Variants in PLCB4 observed in about 807,000 individuals in gnomAD.
PLCB4 encodes the protein 1-phosphatidylinositol 4,5-bisphosphate phosphodiesterase beta-4.
In PLCB4, 77 loss-of-function variants were observed where a neutral mutation model predicts 178.8. That is an observed-to-expected ratio of 0.43 (90% confidence interval 0.36 to 0.52). The LOEUF (loss-of-function observed/expected upper bound fraction) is 0.52. Among genes scored for constraint, PLCB4 ranks in the 20% least tolerant of loss-of-function variants. The probability of loss-of-function intolerance (pLI) is 0.00; values close to 1 mark genes in which losing one functional copy is unlikely to be tolerated. For missense variants in PLCB4, 1,024 were observed against 1,453.4 expected (o/e 0.70, Z 4.80); for synonymous variants, 496 against 490.8 (o/e 1.01, Z -0.14).
Position 9,081,093 on chromosome 20 carries a change from A to G in PLCB4, c.-135+11887A>G, listed in dbSNP as rs569268041. Among the ~76,000 whole-genome samples the G allele has an allele frequency of 5.3e-5, 8 of 152,212 alleles. No homozygotes were observed. The East Asian group carries it at 5.8e-4, about 11-fold the overall frequency. On this transcript the variant is annotated intron_variant, in intron 1 of 39. Transcript: ENST00000378473. Reference sequence around the variant, plus strand: ...ATCTGTGCCTCCATTCATGTCTTCTATTGGCTATTCAGTGAGCATCAGGTA... The same window carrying G: ...ATCTGTGCCTCCATTCATGTCTTCTGTTGGCTATTCAGTGAGCATCAGGTA...
chr20:9,191,132 A>G (rs1321580), intron 2 of PLCB4, among the ~76,000 whole-genome samples: 2 of 152,186 alleles, frequency 1.3e-5, no homozygotes, highest in Non-Finnish European at 2.9e-5. Flanking sequence ...AGGATAGAAC[A>G]CAAACATGAA....
rs1568885233 is a variant in PLCB4, at chr20:9,459,637, CAA to C, written c.3077_3078del (p.Lys1026ArgfsTer20). 6.3e-7 allele frequency: 1 copy of C among 1,596,266 alleles called. No homozygotes were observed. Among genetic ancestry groups the C allele is most frequent in the Admixed American group, 1.7e-5 (1 of 59,668 alleles). The part of the protein sequence containing the change: ...TLTSDHKSKV[K>X]EIVAQHTKEW... ...ACCGTCCCCTTTTTCCCAAACAGGTCAAAGAGATTGTAGCACAGCACACAAAG... is the reference window on the plus strand; with the variant it reads ...ACCGTCCCCTTTTTCCCAAACAGGTCAGAGATTGTAGCACAGCACACAAAG... On this transcript the variant is annotated frameshift_variant, in exon 35 of 40. Coordinates refer to ENST00000378473, the MANE Select transcript of PLCB4 (RefSeq NM_001377142.1). LOFTEE classifies it high-confidence loss of function.
At chr20:9,343,295 T>C (rs2033440529) in intron 7 of PLCB4, among the ~76,000 whole-genome samples, 1 of 152,198 alleles carries the variant, frequency 6.6e-6, no homozygotes, top group South Asian at 2.1e-4. Context: ...AAGGGTAAAC[T>C]TTGAACTTAG....
intron 2 of PLCB4, among the ~76,000 whole-genome samples, chr20:9,148,152 A>C (rs543163366): frequency 6.6e-6 from 1 of 152,244 alleles, no homozygotes; most frequent in Admixed American, 6.5e-5. Context: ...TCGTGTTGGC[A>C]GTCGTGAAGG....
chr20:9,407,889 T>G, intron 21 of PLCB4, 28 bp from the exon 22 acceptor site: 1 of 1,598,898 alleles, frequency 6.3e-7, no homozygotes, highest in Non-Finnish European at 8.5e-7. Context: ...AGTCATCAAC[T>G]TATATGTTTT....
intron 27 of PLCB4, among the ~76,000 whole-genome samples, chr20:9,422,015 C>G (rs186673628): frequency 6.6e-6 from 1 of 152,284 alleles, no homozygotes; most frequent in African/African-American, 2.4e-5. Flanking sequence ...TTCTCTCTAA[C>G]GTTCGGTTGT....
chr20:9,349,311 A>G (rs1381904654), intron 7 of PLCB4, among the ~76,000 whole-genome samples: 2 of 152,086 alleles, frequency 1.3e-5, no homozygotes, highest in African/African-American at 4.8e-5. Context: ...CTCTCCCCAC[A>G]GCGCTGATAA....
At chr20:9,142,384 G>A (rs568253929) in intron 2 of PLCB4, among the ~76,000 whole-genome samples, 3 of 152,250 alleles carry the variant, frequency 2.0e-5, no homozygotes, top group African/African-American at 7.2e-5. Context: ...CGCCAAGGTT[G>A]TGTGGACCAG....
intron 1 of PLCB4, among the ~76,000 whole-genome samples, chr20:9,077,099 G>A (rs536183155): frequency 1.9e-4 from 29 of 152,130 alleles, no homozygotes; most frequent in African/African-American, 6.7e-4. Flanking sequence ...ACTTGCTTTT[G>A]TCCACTTAAC....
chr20:9,179,379 C>T (rs1424648600), intron 2 of PLCB4, among the ~76,000 whole-genome samples: 1 of 151,950 alleles, frequency 6.6e-6, no homozygotes, highest in East Asian at 1.9e-4. Flanking sequence ...TGGCTCATGG[C>T]CCCATTACTT....
chr20:9,476,735 G>A lies in PLCB4; in HGVS notation c.3514G>A (p.Ala1172Thr). Residue 1172 changes from alanine (A) to threonine (T), a missense_variant, in exon 39 of 40, where the codon GCA becomes ACA. By Grantham distance (58) the Ala-to-Thr change is moderately conservative. Around this residue, in one of 7 missense-constraint regions of PLCB4, gnomAD observed 264 missense variants for 283.2 expected, o/e 0.93. Transcript: ENST00000378473. ...CAAACAGCTTTTGAAATCCTGTCAT[G>A]CAGTGTCCCAAACGCAAGGTAGGAC... ...QNEQLLKSCH[A>T]VSQTQGEGDA... 1 of 1,609,904 alleles carries A rather than the reference G, an allele frequency of 6.2e-7. No individual in the cohort carries two copies. The highest frequency in any genetic ancestry group is 8.5e-7 in the Non-Finnish European group (1 of 1,176,374).
At chr20:9,397,207 C>T (rs569275366) in intron 19 of PLCB4, among the ~76,000 whole-genome samples, 6 of 152,222 alleles carry the variant, frequency 3.9e-5, no homozygotes, top group Non-Finnish European at 8.8e-5. Flanking sequence ...TAGATTCCAT[C>T]TCAAGAAACC....
In PLCB4 at chr20:9,426,915, T is replaced by A. The variant is rs1010447603; in HGVS notation, c.2524+2963T>A. 1.6e-4 allele frequency among the ~76,000 whole-genome samples: 24 copies of A among 152,100 alleles called. 1 individual carries two copies. The highest frequency in any genetic ancestry group is 4.6e-4 in the African/African-American group (19 of 41,428). The stretch of plus-strand genomic sequence containing the variant: ...CAACTCCTTCTGCTTCTCCTTCTCA[T>A]TTCTATAGCATAAAAACTCTCAAAA... On this transcript the variant is annotated intron_variant, in intron 28 of 39. Transcript: ENST00000378473.
intron 1 of PLCB4, among the ~76,000 whole-genome samples, chr20:9,071,868 G>C (rs924128842): frequency 1.3e-5 from 2 of 152,128 alleles, no homozygotes; most frequent in African/African-American, 2.4e-5. Context: ...TAAAGTAAGG[G>C]TGAAACAGCA....
chr20:9,473,914 T>C (rs2044361325), intron 38 of PLCB4, among the ~76,000 whole-genome samples: 1 of 152,000 alleles, frequency 6.6e-6, no homozygotes, highest in Non-Finnish European at 1.5e-5. Flanking sequence ...TAAAGAAATA[T>C]ACACAAATAA....
chr20:9,212,758 T>C (rs1437303738), intron 2 of PLCB4, among the ~76,000 whole-genome samples: 4 of 152,184 alleles, frequency 2.6e-5, no homozygotes, highest in African/African-American at 7.2e-5. Flanking sequence ...ACTTACTGTG[T>C]TTTCTTGAAG....
intron 35 of PLCB4, among the ~76,000 whole-genome samples, chr20:9,468,236 G>A (rs1354427244): frequency 6.6e-6 from 1 of 151,990 alleles, no homozygotes; most frequent in Non-Finnish European, 1.5e-5. Flanking sequence ...ATAGCTTGGG[G>A]TCCCGTCCCT....
intron 3 of PLCB4, among the ~76,000 whole-genome samples, chr20:9,266,563 C>A (rs2094351196): frequency 6.6e-6 from 1 of 152,070 alleles, no homozygotes. Flanking sequence ...CTGTTTGGGG[C>A]TTTTAAGCCT....
At chr20:9,409,823 T>C (rs1016288719) in intron 24 of PLCB4, among the ~76,000 whole-genome samples, 5 of 152,248 alleles carry the variant, frequency 3.3e-5, no homozygotes, top group African/African-American at 1.2e-4. Context: ...TTTAAAATTT[T>C]TGAGGTTTGC....
Sources: allele counts gnomAD v4.1 joint callset (sites outside exome capture counted in the v4.1 genomes callset), GRCh38; gene constraint gnomAD v4.1.1; regional missense constraint gnomAD v4.1.1; transcripts MANE v1.5; gene names NCBI Gene and HGNC (gene_info 2026-07-23, HGNC 2026-07-21).